ADARB2: variants seen among roughly 807,000 people sequenced by gnomAD.
The protein encoded by ADARB2 is adenosine deaminase RNA specific B2 (inactive).
ADARB2 carries 25 observed loss-of-function variants against 62.2 expected under a neutral mutation model. The ratio of observed to expected loss-of-function variants is 0.40; its 90% CI spans 0.29 to 0.56. The LOEUF is 0.56. ADARB2 is among the 20% of genes least tolerant of loss of function. ADARB2 has a pLI of 0.43. For synonymous variants in ADARB2, 572 were observed against 500.8 expected (o/e 1.14, Z -1.90); for missense variants, 1,071 against 1,077.4 (o/e 0.99, Z 0.08).
At chr10:1,633,923 G>T (rs1434871026) in intron 1 of ADARB2, among the ~76,000 whole-genome samples, 2 of 152,124 alleles carry the variant, frequency 1.3e-5, no homozygotes, top group African/African-American at 4.8e-5. Flanking sequence ...GCATGTCCAG[G>T]CGACCCGCCA....
intron 1 of ADARB2, among the ~76,000 whole-genome samples, chr10:1,610,657 G>A (rs10794769): frequency 0.15 from 23,358 of 152,002 alleles, 2,799 homozygotes; most frequent in African/African-American, 0.32. Flanking sequence ...CTCTCCATCC[G>A]GGGTCTTTTA....
chr10:1,590,171 G>A lies in ADARB2; in HGVS notation c.100+146880C>T, dbSNP rs148239818. Among the ~76,000 whole-genome samples, 1,137 of 152,324 alleles carry A rather than the reference G, an allele frequency of 7.5e-3. 14 individuals are homozygous for A. Among genetic ancestry groups the A allele is most frequent in the African/African-American group, 0.025 (1,058 of 41,564 alleles). On this transcript the variant is annotated intron_variant, in intron 1 of 9. Coordinates refer to ENST00000381312, the MANE Select transcript of ADARB2 (RefSeq NM_018702.4). ...TATCATCGCAAGGCATAGTGGCGCT[G>A]AGCCTGCACAGGTCAGTGGCCTTGG...
At chr10:1,719,763 A>C (rs1285608060) in intron 1 of ADARB2, among the ~76,000 whole-genome samples, 4 of 152,264 alleles carry the variant, frequency 2.6e-5, no homozygotes, top group African/African-American at 9.6e-5. Context: ...TAAAGAAGAC[A>C]AACATGCGAT....
At chr10:1,635,613 C>T (rs1216992329) in intron 1 of ADARB2, among the ~76,000 whole-genome samples, 1 of 152,202 alleles carries the variant, frequency 6.6e-6, no homozygotes, top group African/African-American at 2.4e-5. Flanking sequence ...GACAGCCTCA[C>T]GTTGGATTAG....
At position 1,669,611 on chromosome 10, in the gene ADARB2, G is replaced by A. The variant is rs561471957; in HGVS notation, c.100+67440C>T. Among the ~76,000 whole-genome samples, 21 of 147,906 alleles carry A rather than the reference G, an allele frequency of 1.4e-4. No homozygotes were observed. The East Asian group carries it at 3.4e-3, about 24-fold the overall frequency. ...TCACAAACACAGACACACTCATACAGAGACACACAGACACAAACACACACA... is the reference window on the plus strand; with the variant it reads ...TCACAAACACAGACACACTCATACAAAGACACACAGACACAAACACACACA... On this transcript the variant is annotated intron_variant, in intron 1 of 9. Transcript: ENST00000381312.
intron 1 of ADARB2, among the ~76,000 whole-genome samples, chr10:1,722,950 TACACGCAC>T (rs1835112220): frequency 6.6e-6 from 1 of 152,208 alleles, no homozygotes; most frequent in Admixed American, 6.5e-5. Context: ...CACACACACA[TACACGCAC>T]ACACAGGTGT....
chr10:1,712,889 G>A (rs941958692), intron 1 of ADARB2, among the ~76,000 whole-genome samples: 21 of 152,042 alleles, frequency 1.4e-4, no homozygotes, highest in African/African-American at 4.6e-4. Context: ...GATTACAGGC[G>A]TGAGCCACAG....
chr10:1,206,818 C>G (rs1001305875), intron 7 of ADARB2, among the ~76,000 whole-genome samples: 2 of 152,134 alleles, frequency 1.3e-5, no homozygotes, highest in Non-Finnish European at 2.9e-5. Context: ...GACTGGAGTT[C>G]CAGTTCTTAC....
intron 1 of ADARB2, among the ~76,000 whole-genome samples, chr10:1,453,062 G>T (rs1216604668): frequency 6.6e-6 from 1 of 152,168 alleles, no homozygotes; most frequent in Non-Finnish European, 1.5e-5. Context: ...TGAGGACCCT[G>T]GGTCTGTGAC....
At chr10:1,503,403 C>T (rs1026583533) in intron 1 of ADARB2, among the ~76,000 whole-genome samples, 4 of 150,182 alleles carry the variant, frequency 2.7e-5, no homozygotes, top group African/African-American at 9.8e-5. Flanking sequence ...CCAGGCTGGT[C>T]TCATACTTCT....
At chr10:1,603,643 T>C (rs1833458450) in intron 1 of ADARB2, among the ~76,000 whole-genome samples, 1 of 151,734 alleles carries the variant, frequency 6.6e-6, no homozygotes, top group Non-Finnish European at 1.5e-5. Flanking sequence ...CAGCTCACAG[T>C]ATGTACAGTG....
At chr10:1,404,911 T>C (rs1832694373) in intron 1 of ADARB2, among the ~76,000 whole-genome samples, 1 of 152,186 alleles carries the variant, frequency 6.6e-6, no homozygotes, top group South Asian at 2.1e-4. Context: ...GTCCTTTTCG[T>C]TAGATTGTTT....
chr10:1,604,585 T>C (rs1833472003), intron 1 of ADARB2, among the ~76,000 whole-genome samples: 1 of 152,208 alleles, frequency 6.6e-6, no homozygotes, highest in African/African-American at 2.4e-5. Flanking sequence ...TGTAGCACAA[T>C]TTAGGGGTAA....
At chr10:1,549,993 C>G (rs1402977715) in intron 1 of ADARB2, among the ~76,000 whole-genome samples, 1 of 152,214 alleles carries the variant, frequency 6.6e-6, no homozygotes, top group Non-Finnish European at 1.5e-5. Context: ...CAAAACACAA[C>G]ACACCATATT....
intron 1 of ADARB2, among the ~76,000 whole-genome samples, chr10:1,510,091 C>CTTTT (rs1831905538): frequency 7.1e-6 from 1 of 141,462 alleles, no homozygotes; most frequent in Non-Finnish European, 1.5e-5. Flanking sequence ...TTCTCTCTCT[C>CTTTT]TCTCTTTTCT....
At chr10:1,506,714 A>G (rs1163909182) in intron 1 of ADARB2, among the ~76,000 whole-genome samples, 1 of 152,200 alleles carries the variant, frequency 6.6e-6, no homozygotes, top group African/African-American at 2.4e-5. Context: ...GAAACTTGCT[A>G]TAAGTACCCG....
intron 1 of ADARB2, among the ~76,000 whole-genome samples, chr10:1,448,652 C>G (rs373329848): frequency 6.6e-6 from 1 of 152,194 alleles, no homozygotes. Context: ...TTATTTCCTG[C>G]AGATTGAACC....
At chr10:1,480,654 T>G (rs1831457161) in intron 1 of ADARB2, among the ~76,000 whole-genome samples, 1 of 139,404 alleles carries the variant, frequency 7.2e-6, no homozygotes, top group Non-Finnish European at 1.6e-5. Context: ...GCTGAGATTG[T>G]GCCCCTGCAC....
At chr10:1,362,099 T>A (rs11250459) in intron 3 of ADARB2, among the ~76,000 whole-genome samples, 36,660 of 152,176 alleles carry the variant, frequency 0.24, 5,488 homozygotes, top group East Asian at 0.71. Context: ...AAATAGGGTC[T>A]GGAGGCAGGA....
Sources: gnomAD v4.1 joint callset for allele counts (sites outside exome capture counted in the v4.1 genomes callset) on GRCh38, gnomAD v4.1.1 for gene constraint, MANE v1.5 for transcripts, NCBI Gene and HGNC (gene_info 2026-07-23, HGNC 2026-07-21) for gene names.